Variants in MACROD2 observed in about 807,000 individuals in gnomAD.
The protein encoded by MACROD2 is ADP-ribose glycohydrolase MACROD2.
MACROD2 carries 36 observed loss-of-function variants against 70.4 expected under a neutral mutation model. That is an observed-to-expected ratio of 0.51 (90% CI 0.39 to 0.68). The LOEUF is 0.68. Among genes scored for constraint, MACROD2 ranks in the 30% least tolerant of loss-of-function variants. The pLI, the probability that MACROD2 is intolerant of heterozygous loss-of-function variation, is 0.00. For missense variants in MACROD2, 496 were observed against 538.4 expected, an observed-to-expected ratio of 0.92 and a Z score of 0.78; for synonymous variants, 172 against 178.8, an observed-to-expected ratio of 0.96 and a Z score of 0.30.
chr20:15,021,204 G>A (rs1402383168), intron 5 of MACROD2, among the ~76,000 whole-genome samples: 1 of 109,232 alleles, frequency 9.2e-6, no homozygotes, highest in African/African-American at 3.8e-5. Flanking sequence ...ACACCTGTGT[G>A]TATGTATACA....
At chr20:15,787,192 G>A (rs559910019) in intron 8 of MACROD2, among the ~76,000 whole-genome samples, 2 of 152,204 alleles carry the variant, frequency 1.3e-5, no homozygotes, top group South Asian at 2.1e-4. Context: ...AGCTGGTCTC[G>A]AACTCCTGGC....
chr20:15,500,423 G>A (rs1008474422), intron 8 of MACROD2, among the ~76,000 whole-genome samples: 2 of 152,268 alleles, frequency 1.3e-5, no homozygotes, highest in South Asian at 2.1e-4. Context: ...TTTGTGATAC[G>A]TTTAGTGATG....
At chr20:14,174,437 C>T (rs1264821960) in intron 3 of MACROD2, among the ~76,000 whole-genome samples, 2 of 152,042 alleles carry the variant, frequency 1.3e-5, no homozygotes, top group East Asian at 1.9e-4. Flanking sequence ...TGCATGTTTC[C>T]AGGGAAGTCA....
chr20:14,709,333 C>T (rs565787063), intron 5 of MACROD2, among the ~76,000 whole-genome samples: 6 of 151,922 alleles, frequency 3.9e-5, no homozygotes, highest in African/African-American at 7.2e-5. Context: ...TAGAGGGGCA[C>T]GAAGTCTGTG....
chr20:14,631,870 A>G (rs947822800), intron 4 of MACROD2: 2 of 152,194 alleles, frequency 1.3e-5, no homozygotes, highest in Non-Finnish European at 1.5e-5. Flanking sequence ...GCCATTGACA[A>G]TCTTTGCTGT....
chr20:15,849,609 A>G (rs536497296), intron 8 of MACROD2, among the ~76,000 whole-genome samples: 2 of 152,102 alleles, frequency 1.3e-5, no homozygotes, highest in East Asian at 1.9e-4. Flanking sequence ...ATAAAGCACT[A>G]TCCTCCCTGG....
chr20:15,727,310 G>C (rs2050879473), intron 8 of MACROD2, among the ~76,000 whole-genome samples: 1 of 151,940 alleles, frequency 6.6e-6, no homozygotes, highest in East Asian at 1.9e-4. Flanking sequence ...TTCTATTTTG[G>C]TTCCAGTACC....
At position 14,208,793 on chromosome 20, in the gene MACROD2, C is replaced by A. The variant is rs576782517; in HGVS notation, c.271+123065C>A. Reference sequence around the variant, plus strand: ...TGGTCATATGAGGTGGTATGAGCCTCAAAAAGGGCTGAATACTTGAATTAT... The same window carrying A: ...TGGTCATATGAGGTGGTATGAGCCTAAAAAAGGGCTGAATACTTGAATTAT... On this transcript the variant is annotated intron_variant, in intron 3 of 17. Transcript: ENST00000684519. 4.1e-4 allele frequency among the ~76,000 whole-genome samples: 62 copies of A among 152,112 alleles called. 1 individual carries two copies. The South Asian group carries it at 5.2e-3, about 13-fold the overall frequency.
chr20:15,823,641 G>A (rs1209454647), intron 8 of MACROD2, among the ~76,000 whole-genome samples: 5 of 152,160 alleles, frequency 3.3e-5, no homozygotes, highest in African/African-American at 7.2e-5. Flanking sequence ...TGCTTGGTTC[G>A]CAACTGCAAT....
At chr20:15,310,147 A>T (rs952828131) in intron 6 of MACROD2, among the ~76,000 whole-genome samples, 3 of 152,228 alleles carry the variant, frequency 2.0e-5, no homozygotes, top group Non-Finnish European at 4.4e-5. Context: ...TGTTGTACAG[A>T]TTCAATGGGA....
At chr20:14,559,770 A>C (rs1248541057) in intron 4 of MACROD2, among the ~76,000 whole-genome samples, 1 of 151,826 alleles carries the variant, frequency 6.6e-6, no homozygotes, top group African/African-American at 2.4e-5. Context: ...AGTTGACTGG[A>C]ATAATTTCTA....
intron 3 of MACROD2, among the ~76,000 whole-genome samples, chr20:14,266,275 AG>A (rs2082143703): frequency 6.6e-6 from 1 of 152,174 alleles, no homozygotes; most frequent in Non-Finnish European, 1.5e-5. Flanking sequence ...ATATAAAATG[AG>A]GGGTTAAGTC....
At chr20:15,617,348 T>C (rs912779795) in intron 8 of MACROD2, among the ~76,000 whole-genome samples, 1 of 152,158 alleles carries the variant, frequency 6.6e-6, no homozygotes, top group Non-Finnish European at 1.5e-5. Flanking sequence ...ACAGTTAACG[T>C]TTTTCCAGGA....
chr20:14,151,811 C>CTTTTTTTTTTTTT (rs144065987), intron 3 of MACROD2, among the ~76,000 whole-genome samples: 1 of 59,190 alleles, frequency 1.7e-5, no homozygotes, highest in African/African-American at 7.0e-5. Flanking sequence ...TGTATTGTAT[C>CTTTTTTTTTTTTT]TTTTTTTTTT....
intron 8 of MACROD2, among the ~76,000 whole-genome samples, chr20:15,585,415 C>G (rs1424877820): frequency 6.6e-6 from 1 of 152,078 alleles, no homozygotes; most frequent in African/African-American, 2.4e-5. Flanking sequence ...CCAGGCTGGT[C>G]TCGAGCTCCT....
At chr20:15,273,632 T>A (rs1267644293) in intron 6 of MACROD2, among the ~76,000 whole-genome samples, 2 of 152,142 alleles carry the variant, frequency 1.3e-5, no homozygotes, top group Non-Finnish European at 2.9e-5. Flanking sequence ...TCTGAAGGCC[T>A]ACAGATGGAA....
chr20:14,832,245 T>A (rs190633851), intron 5 of MACROD2, among the ~76,000 whole-genome samples: 1 of 151,832 alleles, frequency 6.6e-6, no homozygotes, highest in East Asian at 2.0e-4. Flanking sequence ...GGGGTTTCAC[T>A]GTATTAGCCT....
intron 3 of MACROD2, among the ~76,000 whole-genome samples, chr20:14,420,064 T>C (rs924164858): frequency 2.6e-5 from 4 of 151,954 alleles, no homozygotes; most frequent in African/African-American, 9.7e-5. Flanking sequence ...ATTAGTCATA[T>C]GGTATTTTCA....
intron 5 of MACROD2, among the ~76,000 whole-genome samples, chr20:14,803,421 A>G (rs1383166235): frequency 6.6e-6 from 1 of 152,096 alleles, no homozygotes; most frequent in Admixed American, 6.6e-5. Flanking sequence ...TAAGATGACT[A>G]TGTGTAAATT....
Sources: gnomAD v4.1 joint callset for allele counts (sites outside exome capture counted in the v4.1 genomes callset) on GRCh38, gnomAD v4.1.1 for gene constraint, MANE v1.5 for transcripts, NCBI Gene and HGNC (gene_info 2026-07-23, HGNC 2026-07-21) for gene names.